NKAIN2: variants seen among roughly 807,000 people sequenced by gnomAD.
The protein encoded by NKAIN2 is sodium/potassium-transporting ATPase subunit beta-1-interacting protein 2.
A neutral mutation model predicts 32.6 loss-of-function variants in NKAIN2; 14 were observed. The observed-to-expected ratio is 0.43, with a 90% CI of 0.28 to 0.67. NKAIN2 has a LOEUF of 0.67. Ranked by LOEUF, NKAIN2 falls within the 30% of genes least tolerant of loss-of-function variation. The pLI, the probability that NKAIN2 is intolerant of heterozygous loss-of-function variation, is 0.17. For synonymous variants in NKAIN2, 80 were observed against 87.2 expected, an observed-to-expected ratio of 0.92 and a Z score of 0.46; for missense variants, 198 against 258.3, an observed-to-expected ratio of 0.77 and a Z score of 1.60.
At chr6:123,960,610 C>T (rs1050163440) in intron 1 of NKAIN2, among the ~76,000 whole-genome samples, 1 of 151,824 alleles carries the variant, frequency 6.6e-6, no homozygotes, top group Non-Finnish European at 1.5e-5. Context: ...AGCTCTTCAC[C>T]TCCCCACTCC....
At chr6:124,531,022 T>C (rs1447836811) in intron 3 of NKAIN2, among the ~76,000 whole-genome samples, 1 of 152,170 alleles carries the variant, frequency 6.6e-6, no homozygotes, top group African/African-American at 2.4e-5. Context: ...CATAGACATA[T>C]CCAGATATAA....
At chr6:124,353,887 A>AGATCAT (rs1388866374) in intron 2 of NKAIN2, among the ~76,000 whole-genome samples, 3 of 152,332 alleles carry the variant, frequency 2.0e-5, no homozygotes, top group Non-Finnish European at 2.9e-5. Flanking sequence ...ACAAGGTGCA[A>AGATCAT]GATCATGATC....
intron 3 of NKAIN2, among the ~76,000 whole-genome samples, chr6:124,449,379 C>T (rs1282578854): frequency 6.6e-6 from 1 of 152,008 alleles, no homozygotes; most frequent in African/African-American, 2.4e-5. Flanking sequence ...ATGCACCAGC[C>T]TGAGCTCAGG....
chr6:124,738,478 T>G (rs1777055747), intron 4 of NKAIN2, among the ~76,000 whole-genome samples: 1 of 151,954 alleles, frequency 6.6e-6, no homozygotes, highest in Admixed American at 6.6e-5. Flanking sequence ...CAATGTTGTA[T>G]TTTTCTGCCT....
intron 1 of NKAIN2, among the ~76,000 whole-genome samples, chr6:123,840,897 A>G (rs1774841183): frequency 6.6e-6 from 1 of 152,132 alleles, no homozygotes; most frequent in African/African-American, 2.4e-5. Flanking sequence ...TGTAGTCTAG[A>G]TAGGATTTTA....
chr6:123,887,691 C>G (rs929525543), intron 1 of NKAIN2, among the ~76,000 whole-genome samples: 1 of 151,952 alleles, frequency 6.6e-6, no homozygotes, highest in Non-Finnish European at 1.5e-5. Flanking sequence ...TTCCATTTTC[C>G]TAATGAGACA....
intron 2 of NKAIN2, among the ~76,000 whole-genome samples, chr6:124,321,086 G>C (rs1385236528): frequency 2.0e-5 from 3 of 151,970 alleles, no homozygotes. Flanking sequence ...ATATTTCTTG[G>C]GCATTTCATG....
intron 4 of NKAIN2, among the ~76,000 whole-genome samples, chr6:124,759,167 A>T (rs1778102817): frequency 6.6e-6 from 1 of 152,134 alleles, no homozygotes; most frequent in Non-Finnish European, 1.5e-5. Flanking sequence ...AGCCACCAGA[A>T]CAGGGCCAGA....
chr6:124,484,899 G>A (rs771702842), intron 3 of NKAIN2, among the ~76,000 whole-genome samples: 10 of 152,106 alleles, frequency 6.6e-5, no homozygotes, highest in Non-Finnish European at 1.0e-4. Flanking sequence ...ACATAAGGTA[G>A]CTTCTGTTGT....
At chr6:124,490,417 T>TTA in intron 3 of NKAIN2, 1 of 412,920 alleles carries the variant, frequency 2.4e-6, no homozygotes, top group Admixed American at 3.1e-5. Flanking sequence ...TAGAGGTTTT[T>TTA]TTTTTTTTTT....
chr6:124,625,925 C>A (rs1177348840), intron 3 of NKAIN2, among the ~76,000 whole-genome samples: 1 of 151,582 alleles, frequency 6.6e-6, no homozygotes. Flanking sequence ...AAATTATGAC[C>A]AGTTTTTGTT....
At position 124,437,824 on chromosome 6, in the gene NKAIN2, G is replaced by A. The variant is rs142034657; in HGVS notation, c.273+82477G>A. 2.0e-3 allele frequency: 753 copies of A among 378,884 alleles called. 2 individuals are homozygous for A. Among genetic ancestry groups the A allele is most frequent in the African/African-American group, 0.016 (719 of 46,004 alleles). The allele number at this position is 378,884 out of a possible 1,614,324, so 23.5% of individuals were successfully genotyped here. The stretch of plus-strand genomic sequence containing the variant: ...AAGAATGAATAATAATTTCCTCAAC[G>A]CATGGGATACGGTAGCTGAATTGTA... On this transcript the variant is annotated intron_variant, in intron 3 of 6. Transcript: ENST00000368417.
chr6:124,493,138 T>G (rs928259196), intron 3 of NKAIN2, among the ~76,000 whole-genome samples: 78 of 151,970 alleles, frequency 5.1e-4, no homozygotes, highest in African/African-American at 1.6e-3. Context: ...ATATTAGATA[T>G]TATTTTTATT....
At chr6:124,121,975 G>A (rs1785907661) in intron 1 of NKAIN2, 2 of 740,082 alleles carry the variant, frequency 2.7e-6, no homozygotes, top group Non-Finnish European at 4.0e-6. Context: ...TTCCATTTGT[G>A]TCTACAGGGT....
intron 4 of NKAIN2, among the ~76,000 whole-genome samples, chr6:124,729,877 C>A (rs1455552630): frequency 1.3e-5 from 2 of 151,494 alleles, no homozygotes; most frequent in East Asian, 3.9e-4. Flanking sequence ...GATACAAAAT[C>A]AATGTACAAA....
chr6:124,381,297 A>T (rs1206498993), intron 3 of NKAIN2, among the ~76,000 whole-genome samples: 2 of 152,184 alleles, frequency 1.3e-5, no homozygotes, highest in East Asian at 3.8e-4. Flanking sequence ...GAAATTAGTA[A>T]ATATTTTAAA....
chr6:124,313,997 G>T (rs1486721790), intron 2 of NKAIN2, among the ~76,000 whole-genome samples: 1 of 152,068 alleles, frequency 6.6e-6, no homozygotes, highest in Non-Finnish European at 1.5e-5. Flanking sequence ...GGGGGTAGAA[G>T]ATTGGGAAAA....
chr6:124,489,361 C>T (rs1777772671), intron 3 of NKAIN2, among the ~76,000 whole-genome samples: 2 of 152,010 alleles, frequency 1.3e-5, no homozygotes, highest in South Asian at 4.1e-4. Context: ...TTATCACCTT[C>T]AAGATCTGGT....
chr6:124,761,725 T>G (rs1293837636), intron 4 of NKAIN2, among the ~76,000 whole-genome samples: 1 of 152,204 alleles, frequency 6.6e-6, no homozygotes, highest in Non-Finnish European at 1.5e-5. Flanking sequence ...AGTATCAAAC[T>G]TGCATGTTGC....
Sources: allele counts gnomAD v4.1 joint callset (sites outside exome capture counted in the v4.1 genomes callset), GRCh38; gene constraint gnomAD v4.1.1; transcripts MANE v1.5; gene names NCBI Gene and HGNC (gene_info 2026-07-23, HGNC 2026-07-21).